Variants in PRUNE2 observed in about 807,000 individuals in gnomAD.
The protein encoded by PRUNE2 is prune homolog 2 with BCH domain, also known as protein prune homolog 2.
A neutral mutation model predicts 252.0 loss-of-function variants in PRUNE2; 164 were observed. The observed-to-expected ratio is 0.65, with a 90% confidence interval of 0.57 to 0.74. The LOEUF is 0.74. PRUNE2 is among the 30% of genes least tolerant of loss of function. The pLI is 0.00. For synonymous variants in PRUNE2, 1,292 were observed against 1,350.2 expected (o/e 0.96, Z 0.94); for missense variants, 3,495 against 3,711.0 (o/e 0.94, Z 1.51).
At chr9:76,902,025 G>A (rs1189881797) in intron 1 of PRUNE2, among the ~76,000 whole-genome samples, 2 of 152,164 alleles carry the variant, frequency 1.3e-5, no homozygotes, top group Non-Finnish European at 2.9e-5. Flanking sequence ...AGCTGCTTGA[G>A]TTGCATCACC....
chr9:76,801,058 C>T (rs989008177), intron 6 of PRUNE2, among the ~76,000 whole-genome samples: 6 of 152,214 alleles, frequency 3.9e-5, no homozygotes, highest in African/African-American at 1.4e-4. Context: ...TGCTCACCAA[C>T]TGCCCTCTCC....
At chr9:76,838,159 C>CT (rs76234279) in intron 4 of PRUNE2, among the ~76,000 whole-genome samples, 69,375 of 149,706 alleles carry the variant, frequency 0.46, 18,309 homozygotes, top group Non-Finnish European at 0.61. Flanking sequence ...TGATCTTGAC[C>CT]TTTTTTTTTC....
chr9:76,838,943 C>T (rs2059226301), intron 4 of PRUNE2, among the ~76,000 whole-genome samples: 1 of 152,104 alleles, frequency 6.6e-6, no homozygotes, highest in Non-Finnish European at 1.5e-5. Context: ...AAGTATTATA[C>T]TCCACAAGAG....
chr9:76,644,513 T>G (rs1460637790), intron 12 of PRUNE2: 2 of 639,144 alleles, frequency 3.1e-6, no homozygotes, highest in Non-Finnish European at 2.9e-6. Flanking sequence ...ATATGTAGCA[T>G]GAAAAGCCCG....
At chr9:76,789,011 G>A (rs1390909096) in intron 6 of PRUNE2, among the ~76,000 whole-genome samples, 3 of 152,128 alleles carry the variant, frequency 2.0e-5, no homozygotes, top group African/African-American at 7.2e-5. Context: ...TGGGAGGGAG[G>A]GCCTAGTAGG....
rs1476055675 is a variant in PRUNE2 at position 76,705,524 on chromosome 9, C to T, written c.6750G>A (p.Trp2250Ter). 1 of 1,614,002 alleles carries T rather than the reference C, an allele frequency of 6.2e-7. No individual in the cohort carries two copies. Among genetic ancestry groups the T allele is most frequent in the Non-Finnish European group, 8.5e-7 (1 of 1,179,892 alleles). Residue 2250 changes from tryptophan (W) to a stop codon, truncating the protein, a stop_gained, in exon 8 of 19, where the codon TGG becomes TGA. Coordinates refer to ENST00000376718, the MANE Select transcript of PRUNE2 (RefSeq NM_015225.3). LOFTEE classifies it high-confidence loss of function. ...QEPTPEGDGS[W>*]ISDSFSPESQ... Reference sequence around the variant, plus strand: ...TTTCAGGAGAAAAGCTGTCTGATATCCAAGAACCGTCACCTTCTGGAGTTG... The same window carrying T: ...TTTCAGGAGAAAAGCTGTCTGATATTCAAGAACCGTCACCTTCTGGAGTTG...
chr9:76,854,002 T>TA, intron 2 of PRUNE2, 102 bp downstream of exon 2: 4 of 573,152 alleles, frequency 7.0e-6, no homozygotes, highest in Non-Finnish European at 6.1e-6. Flanking sequence ...ATCAGAACAT[T>TA]AAAAATTAAG....
At chr9:76,834,072 G>A (rs934001448) in intron 4 of PRUNE2, among the ~76,000 whole-genome samples, 1 of 151,598 alleles carries the variant, frequency 6.6e-6, no homozygotes, top group Non-Finnish European at 1.5e-5. Context: ...TAGGAGAGAC[G>A]GGGTTTCACC....
chr9:76,678,102 G>C (rs773894268), intron 9 of PRUNE2, among the ~76,000 whole-genome samples: 1 of 152,056 alleles, frequency 6.6e-6, no homozygotes, highest in Non-Finnish European at 1.5e-5. Flanking sequence ...GGGCTTGGGG[G>C]CTCATGCCTG....
intron 6 of PRUNE2, among the ~76,000 whole-genome samples, chr9:76,729,557 T>G (rs534467429): frequency 6.6e-6 from 1 of 152,314 alleles, no homozygotes; most frequent in South Asian, 2.1e-4. Flanking sequence ...TACAGTAGCA[T>G]TCTTCTACTG....
At chr9:76,905,636 G>A (rs1215075658) in intron 1 of PRUNE2, among the ~76,000 whole-genome samples, 2 of 152,136 alleles carry the variant, frequency 1.3e-5, no homozygotes, top group Admixed American at 6.5e-5. Context: ...TTAGCTTTCA[G>A]GAGCAAACTG....
At chr9:76,652,730 C>A in intron 10 of PRUNE2, 47 bp from the exon 11 acceptor site, 1 of 1,336,448 alleles carries the variant, frequency 7.5e-7, no homozygotes, top group Non-Finnish European at 1.1e-6. Flanking sequence ...ACCAGAGGAG[C>A]AATCTAAATC....
intron 9 of PRUNE2, among the ~76,000 whole-genome samples, chr9:76,702,825 T>C (rs1216864505): frequency 6.6e-6 from 1 of 152,196 alleles, no homozygotes; most frequent in Non-Finnish European, 1.5e-5. Context: ...ACTGAGAAAG[T>C]ACAGGCTTTG....
chr9:76,860,434 T>C lies in PRUNE2; in HGVS notation c.37-6226A>G, dbSNP rs181380912. Among the ~76,000 whole-genome samples the C allele has an allele frequency of 2.3e-3, 334 of 147,308 alleles. 3 individuals are homozygous for C. In the South Asian group the frequency reaches 0.025, roughly 11 times the overall value. On this transcript the variant is annotated intron_variant, in intron 1 of 18. Coordinates refer to ENST00000376718, the MANE Select transcript of PRUNE2 (RefSeq NM_015225.3). ...GAGGGGATTAGTTCAAGGAAATGAC[T>C]TACTGCCTTAAAACAAGTATGAGCA...
At chr9:76,628,151 C>CA (rs949682892) in intron 16 of PRUNE2, among the ~76,000 whole-genome samples, 30 of 151,120 alleles carry the variant, frequency 2.0e-4, no homozygotes, top group African/African-American at 2.7e-4. Flanking sequence ...TGAACAACAA[C>CA]AAAAAAAAAG....
chr9:76,783,060 T>G (rs1165574470), intron 6 of PRUNE2, among the ~76,000 whole-genome samples: 2 of 152,182 alleles, frequency 1.3e-5, no homozygotes, highest in Non-Finnish European at 1.5e-5. Flanking sequence ...GTAGGTATTG[T>G]GGTGATTAAA....
intron 9 of PRUNE2, among the ~76,000 whole-genome samples, chr9:76,674,500 C>T (rs373605789): frequency 2.0e-4 from 31 of 151,890 alleles, no homozygotes; most frequent in African/African-American, 6.5e-4. Context: ...AGGTAATTTA[C>T]AGATTCAATG....
intron 11 of PRUNE2, 112 bp downstream of exon 11, chr9:76,652,371 G>T (rs1251972403): frequency 4.0e-6 from 3 of 751,470 alleles, no homozygotes; most frequent in East Asian, 2.5e-5. Flanking sequence ...AATAAAAACA[G>T]AAGCTTCTAG....
intron 18 of PRUNE2, among the ~76,000 whole-genome samples, chr9:76,618,360 T>C (rs915893324): frequency 2.0e-5 from 3 of 152,188 alleles, no homozygotes; most frequent in African/African-American, 7.2e-5. Flanking sequence ...CAGCAAAAGG[T>C]GACAATAGAG....
Sources: allele counts gnomAD v4.1 joint callset (sites outside exome capture counted in the v4.1 genomes callset), GRCh38; gene constraint gnomAD v4.1.1; transcripts MANE v1.5; gene names NCBI Gene and HGNC (gene_info 2026-07-23, HGNC 2026-07-21).